Variants in CNOT9 observed in about 807,000 individuals in gnomAD.
The protein encoded by CNOT9 is CCR4-NOT transcription complex subunit 9, also known as RCD1 required for cell differentiation1 homolog.
A neutral mutation model predicts 37.4 loss-of-function variants in CNOT9; 8 were observed. The ratio of observed to expected loss-of-function variants is 0.21; its 90% CI spans 0.13 to 0.39. The LOEUF (loss-of-function observed/expected upper bound fraction) is 0.39, where lower values mean the gene tolerates loss of function less well. Among genes scored for constraint, CNOT9 ranks in the 10% least tolerant of loss-of-function variants. The probability of loss-of-function intolerance (pLI) is 1.00; values close to 1 mark genes in which losing one functional copy is unlikely to be tolerated. For missense variants in CNOT9, 154 were observed against 365.3 expected (o/e 0.42, Z 4.71); for synonymous variants, 120 against 137.6 (o/e 0.87, Z 0.90).
intron 1 of CNOT9, chr2:218,573,917 A>G (rs1227024537): frequency 1.3e-5 from 4 of 305,634 alleles, no homozygotes; most frequent in Non-Finnish European, 2.0e-5. Flanking sequence ...TGATAATATG[A>G]AAGTTTTTTA....
intron 1 of CNOT9, among the ~76,000 whole-genome samples, chr2:218,576,482 C>T (rs1351852018): frequency 6.6e-6 from 1 of 152,158 alleles, no homozygotes; most frequent in Non-Finnish European, 1.5e-5. Flanking sequence ...TGACTTCTCT[C>T]TGAAAACAAT....
chr2:218,588,287 CTTTT>C, intron 5 of CNOT9, among the ~76,000 whole-genome samples: 1 of 141,552 alleles, frequency 7.1e-6, no homozygotes, highest in African/African-American at 2.6e-5. Context: ...AATCATATAT[CTTTT>C]TTTTTTTTTT....
At chr2:218,569,037 C>T in intron 1 of CNOT9, 59 bp downstream of exon 1, 7 of 1,586,072 alleles carry the variant, frequency 4.4e-6, no homozygotes, top group Middle Eastern at 1.7e-4. Context: ...CACGTTTCGG[C>T]CTTCTCTCCT....
chr2:218,571,917 A>G (rs1294607036), intron 1 of CNOT9, among the ~76,000 whole-genome samples: 1 of 151,934 alleles, frequency 6.6e-6, no homozygotes, highest in East Asian at 1.9e-4. Context: ...ATACATCCTA[A>G]CATCTTCATA....
intron 1 of CNOT9, among the ~76,000 whole-genome samples, chr2:218,576,632 T>G (rs1470110306): frequency 4.6e-5 from 7 of 152,224 alleles, no homozygotes; most frequent in Non-Finnish European, 1.5e-5. Flanking sequence ...GATTTTTATG[T>G]ATTAACTATA....
chr2:218,578,496 A>G (rs1031347285), intron 1 of CNOT9, among the ~76,000 whole-genome samples: 3 of 152,188 alleles, frequency 2.0e-5, no homozygotes, highest in African/African-American at 2.4e-5. Flanking sequence ...CTGTCAAGCT[A>G]AGATCTTTTG....
chr2:218,583,095 T>C lies in CNOT9; in HGVS notation c.320+9T>C, dbSNP rs1332316414. On this transcript the variant is annotated intron_variant, in intron 3 of 7. Coordinates refer to ENST00000273064, the MANE Select transcript of CNOT9 (RefSeq NM_005444.3). ...TCACATCCAGAAACCAGGTAAATGCTTTGGGTGAGTCACTTGGGGGAGATA... is the reference window on the plus strand; with the variant it reads ...TCACATCCAGAAACCAGGTAAATGCCTTGGGTGAGTCACTTGGGGGAGATA... The C allele has an allele frequency of 6.4e-7, 1 of 1,559,552 alleles. No homozygotes were observed. Among genetic ancestry groups the C allele is most frequent in the Non-Finnish European group, 8.8e-7 (1 of 1,130,938 alleles).
At chr2:218,576,493 A>G (rs1694174470) in intron 1 of CNOT9, among the ~76,000 whole-genome samples, 1 of 152,228 alleles carries the variant, frequency 6.6e-6, no homozygotes, top group South Asian at 2.1e-4. Context: ...TGAAAACAAT[A>G]CCTATTAAGT....
chr2:218,586,771 TGAGC>T (rs1694610734), intron 4 of CNOT9, among the ~76,000 whole-genome samples: 1 of 152,158 alleles, frequency 6.6e-6, no homozygotes, highest in Non-Finnish European at 1.5e-5. Flanking sequence ...ATTACAGGTG[TGAGC>T]CACTGTGCCC....
chr2:218,570,696 C>G (rs560607388), intron 1 of CNOT9, among the ~76,000 whole-genome samples: 4 of 152,310 alleles, frequency 2.6e-5, no homozygotes, highest in African/African-American at 7.2e-5. Flanking sequence ...ATCTTCGATA[C>G]TGAGCCACTC....
At chr2:218,584,794 C>T (rs577961720) in intron 4 of CNOT9, 73 bp downstream of exon 4, 20 of 1,090,840 alleles carry the variant, frequency 1.8e-5, no homozygotes, top group Non-Finnish European at 2.5e-5. Flanking sequence ...TTTGTCTTGC[C>T]GGTTATGATT....
chr2:218,587,486 TGTTATTTAA>T (rs1694633929), intron 4 of CNOT9, 91 bp from the exon 5 acceptor site: 8 of 1,336,364 alleles, frequency 6.0e-6, no homozygotes, highest in Non-Finnish European at 9.7e-7. Context: ...GTTTGTGTTC[TGTTATTTAA>T]GTTCACAACT....
Position 218,568,942 on chromosome 2 carries a change from G to A in CNOT9, c.-13G>A, listed in dbSNP as rs755113166. The A allele has an allele frequency of 1.2e-6, 2 of 1,607,510 alleles. No homozygotes were observed. The highest frequency in any genetic ancestry group is 8.5e-7 in the Non-Finnish European group (1 of 1,177,100). On this transcript the variant is annotated 5_prime_UTR_variant, in exon 1 of 8. Transcript: ENST00000273064. ...GCGTCCGGCTGTGGAAGAGAGCGGC[G>A]GCCGCTCACAACATGCACAGCCTGG...
intron 7 of CNOT9, 173 bp from the exon 8 acceptor site, chr2:218,593,935 G>A: frequency 1.1e-6 from 1 of 937,698 alleles, no homozygotes; most frequent in Non-Finnish European, 1.5e-6. Flanking sequence ...ACAGATTTTG[G>A]AGATCTCTAA....
At chr2:218,580,330 A>G (rs1010588540) in intron 1 of CNOT9, among the ~76,000 whole-genome samples, 19 of 152,216 alleles carry the variant, frequency 1.2e-4, no homozygotes, top group African/African-American at 4.3e-4. Context: ...GCACAGCCCA[A>G]TTATACCTAC....
chr2:218,571,521 A>T (rs1343222966), intron 1 of CNOT9, among the ~76,000 whole-genome samples: 1 of 151,632 alleles, frequency 6.6e-6, no homozygotes, highest in Non-Finnish European at 1.5e-5. Context: ...TTAAATTTTG[A>T]CTCTTGAGTA....
chr2:218,576,545 A>G (rs1035468395), intron 1 of CNOT9, among the ~76,000 whole-genome samples: 3 of 152,194 alleles, frequency 2.0e-5, no homozygotes, highest in African/African-American at 2.4e-5. Flanking sequence ...CCTAACATCA[A>G]TGCTACTGTT....
At chr2:218,576,134 C>T (rs946030544) in intron 1 of CNOT9, among the ~76,000 whole-genome samples, 2 of 152,106 alleles carry the variant, frequency 1.3e-5, no homozygotes, top group South Asian at 2.1e-4. Flanking sequence ...TTCTACTGCC[C>T]GCCTCCTTTT....
chr2:218,568,881 G>A lies in CNOT9; in HGVS notation c.-74G>A. 1 of 1,534,280 alleles carries A rather than the reference G, an allele frequency of 6.5e-7. No homozygotes were observed. The highest frequency in any genetic ancestry group is 1.2e-5 in the South Asian group (1 of 84,962). ...CGGCTACGGCGGCTCATTGTTTTCCGCTGCAGGGGTGCTGAAGGGGGGACG... is the reference window on the plus strand; with the variant it reads ...CGGCTACGGCGGCTCATTGTTTTCCACTGCAGGGGTGCTGAAGGGGGGACG... On this transcript the variant is annotated 5_prime_UTR_variant, in exon 1 of 8. Coordinates refer to ENST00000273064, the MANE Select transcript of CNOT9 (RefSeq NM_005444.3).
Sources: gnomAD v4.1 joint callset for allele counts (sites outside exome capture counted in the v4.1 genomes callset) on GRCh38, gnomAD v4.1.1 for gene constraint, MANE v1.5 for transcripts, NCBI Gene and HGNC (gene_info 2026-07-23, HGNC 2026-07-21) for gene names.